MYOF: variants seen among roughly 807,000 people sequenced by gnomAD.
MYOF encodes fer-1-like 3, myoferlin.
In MYOF, 244 loss-of-function variants were observed where a neutral mutation model predicts 284.2. The observed-to-expected ratio is 0.86, with a 90% CI of 0.77 to 0.95. The LOEUF (loss-of-function observed/expected upper bound fraction) is 0.95, where lower values mean the gene tolerates loss of function less well. MYOF is among the 40% of genes least tolerant of loss of function. The pLI, the probability that MYOF is intolerant of heterozygous loss-of-function variation, is 0.00. For missense variants in MYOF, 2,496 were observed against 2,560.6 expected, an observed-to-expected ratio of 0.97 and a Z score of 0.54; for synonymous variants, 904 against 919.7, an observed-to-expected ratio of 0.98 and a Z score of 0.31.
intron 3 of MYOF, among the ~76,000 whole-genome samples, chr10:93,440,833 T>C (rs1275077782): frequency 6.6e-6 from 1 of 152,150 alleles, no homozygotes; most frequent in Non-Finnish European, 1.5e-5. Context: ...TCTGGGTATC[T>C]TTCTCCAGGG....
intron 26 of MYOF, among the ~76,000 whole-genome samples, chr10:93,365,750 T>A (rs1845295857): frequency 1.3e-5 from 2 of 152,188 alleles, no homozygotes; most frequent in African/African-American, 4.8e-5. Flanking sequence ...ATGGGCTATC[T>A]TCTCAAAGAT....
intron 5 of MYOF, among the ~76,000 whole-genome samples, chr10:93,417,931 G>A (rs574612227): frequency 6.6e-6 from 1 of 152,240 alleles, no homozygotes; most frequent in South Asian, 2.1e-4. Context: ...TAGAGTGGCT[G>A]AAATTACAGA....
chr10:93,354,875 A>C (rs1844724742), intron 31 of MYOF, among the ~76,000 whole-genome samples: 1 of 152,224 alleles, frequency 6.6e-6, no homozygotes, highest in Non-Finnish European at 1.5e-5. Flanking sequence ...CCTACCTTAC[A>C]GGGTTGTTAA....
rs2056702967 is a variant in MYOF, at chr10:93,454,991, A to T, written c.144+1891T>A. ...GAGACCCTGTCTTTTTTTAATTAAAAAAAAAAAAAAAAAAAAAAAAAAGGC... is the reference window on the plus strand; with the variant it reads ...GAGACCCTGTCTTTTTTTAATTAAATAAAAAAAAAAAAAAAAAAAAAAGGC... On this transcript the variant is annotated intron_variant, in intron 2 of 53. Coordinates refer to ENST00000359263, the MANE Select transcript of MYOF (RefSeq NM_013451.4). 8.9e-5 allele frequency among the ~76,000 whole-genome samples: 6 copies of T among 67,670 alleles called. No homozygotes were observed. The South Asian group carries it at 2.8e-3, about 31-fold the overall frequency. 44.4% of individuals were successfully genotyped at this position (67,670 alleles called of 152,430 possible).
At chr10:93,419,687 A>T (rs867139686) in intron 5 of MYOF, among the ~76,000 whole-genome samples, 4 of 152,222 alleles carry the variant, frequency 2.6e-5, no homozygotes, top group Admixed American at 6.5e-5. Context: ...CTCTGGAGGA[A>T]TGTATTACAT....
chr10:93,438,114 T>C (rs2056121527), intron 3 of MYOF, among the ~76,000 whole-genome samples: 1 of 152,160 alleles, frequency 6.6e-6, no homozygotes, highest in Non-Finnish European at 1.5e-5. Flanking sequence ...CGTGATGTCC[T>C]CAGCAAGAAT....
intron 1 of MYOF, among the ~76,000 whole-genome samples, chr10:93,465,538 C>CTTTTTTTTTTTTTTTT (rs71031511): frequency 2.4e-4 from 27 of 112,144 alleles, no homozygotes; most frequent in Non-Finnish European, 3.3e-4. Context: ...TTTTTCTTTT[C>CTTTTTTTTTTTTTTTT]TTTTTTTTTT....
intron 37 of MYOF, among the ~76,000 whole-genome samples, chr10:93,347,186 G>A (rs1017470541): frequency 1.3e-5 from 2 of 152,128 alleles, no homozygotes; most frequent in African/African-American, 4.8e-5. Context: ...TTGCTCATCC[G>A]TAAAATGTAG....
rs190346362 is a variant in MYOF, at chr10:93,398,307, A to G, written c.1222-851T>C. Among the ~76,000 whole-genome samples, 573 of 152,224 alleles carry G rather than the reference A, an allele frequency of 3.8e-3. 2 individuals are homozygous for G. The highest frequency in any genetic ancestry group is 5.4e-3 in the Non-Finnish European group (367 of 68,018). ...CCTCTGCTCAACTGTCACTTTCTCCAGGAGTCTCACCTGATAACCTGGATA... is the reference window on the plus strand; with the variant it reads ...CCTCTGCTCAACTGTCACTTTCTCCGGGAGTCTCACCTGATAACCTGGATA... On this transcript the variant is annotated intron_variant, in intron 13 of 53. Coordinates refer to ENST00000359263, the MANE Select transcript of MYOF (RefSeq NM_013451.4).
In MYOF at chr10:93,402,945, A is replaced by T; in HGVS notation, c.844-55T>A. ...AGTAGATTTTAAAATCAGTCTAGTC[A>T]CTTTAAAGAAGCCATCATTATATTT... On this transcript the variant is annotated intron_variant, in intron 9 of 53. Coordinates refer to ENST00000359263, the MANE Select transcript of MYOF (RefSeq NM_013451.4). 2.1e-6 allele frequency: 3 copies of T among 1,425,628 alleles called. No homozygotes were observed. In the South Asian group the frequency reaches 3.6e-5, roughly 17 times the overall value. The allele number at this position is 1,425,628 out of a possible 1,614,324, so 88.3% of individuals were successfully genotyped here. A position where few individuals can be genotyped will look rare whatever the true frequency, so the allele number is the denominator to read the frequency against.
rs1847332265 is a variant in MYOF at position 93,402,292 on chromosome 10, T to C, written c.930A>G (p.Ser310=). 1.2e-6 allele frequency: 2 copies of C among 1,614,136 alleles called. No homozygotes were observed. The highest frequency in any genetic ancestry group is 1.7e-6 in the Non-Finnish European group (2 of 1,179,994). Residue 310 remains serine, a synonymous_variant, in exon 11 of 54, where the codon TCA becomes TCG. Coordinates refer to ENST00000359263, the MANE Select transcript of MYOF (RefSeq NM_013451.4). The stretch of plus-strand genomic sequence containing the variant: ...TGACTTTCATATAACCTTTAGAACC[T>C]GAACTGGTATCTTCCGGGTCATTGA... ...LLLNDPEDTS[S]GSKGYMKVSM...
intron 6 of MYOF, 120 bp downstream of exon 6, chr10:93,409,451 ATC>A: frequency 8.3e-7 from 1 of 1,200,580 alleles, no homozygotes; most frequent in South Asian, 1.5e-5. Context: ...ATACACTGAC[ATC>A]TCTCTTTACC....
intron 5 of MYOF, among the ~76,000 whole-genome samples, chr10:93,413,131 G>A (rs701878): frequency 0.81 from 123,069 of 152,120 alleles, 52,271 homozygotes; most frequent in Non-Finnish European, 0.95. Flanking sequence ...AGAAAAAGTC[G>A]GGGTCAATCA....
chr10:93,398,098 C>A (rs788355), intron 13 of MYOF, among the ~76,000 whole-genome samples: 124,876 of 152,086 alleles, frequency 0.82, 53,922 homozygotes, highest in East Asian at 1. Context: ...CCAATCCTTC[C>A]CTGGGCTGAT....
At chr10:93,384,032 T>C (rs1846243030) in intron 19 of MYOF, among the ~76,000 whole-genome samples, 3 of 152,202 alleles carry the variant, frequency 2.0e-5, no homozygotes, top group African/African-American at 7.2e-5. Flanking sequence ...AGCAATAGTT[T>C]GGGCTTCTGG....
At chr10:93,349,071 G>A (rs749193422) in intron 36 of MYOF, among the ~76,000 whole-genome samples, 8 of 152,172 alleles carry the variant, frequency 5.3e-5, no homozygotes, top group Non-Finnish European at 1.2e-4. Context: ...GGTGGGGAAA[G>A]GAAGGTTCTA....
chr10:93,329,246 GAC>G (rs1320591136), intron 44 of MYOF, among the ~76,000 whole-genome samples: 4 of 152,200 alleles, frequency 2.6e-5, no homozygotes, highest in Admixed American at 6.5e-5. Flanking sequence ...ACTGTGGAAA[GAC>G]ACTGTATACC....
chr10:93,397,286 G>A lies in MYOF; in HGVS notation c.1295C>T (p.Pro432Leu). Residue 432 changes from proline to leucine, a missense_variant, in exon 15 of 54, where the codon CCT (proline) becomes CTT (leucine). Coordinates refer to ENST00000359263, the MANE Select transcript of MYOF (RefSeq NM_013451.4). ...NQVVNLQIKF[P>L]SVCEKIKLTI... ...TAGTTTTATTTTTTCACACACTGAAGGAAACTAAAAAAATGAGACAGAAAA... is the reference window on the plus strand; with the variant it reads ...TAGTTTTATTTTTTCACACACTGAAAGAAACTAAAAAAATGAGACAGAAAA... The A allele has an allele frequency of 6.2e-7, 1 of 1,601,262 alleles. No homozygotes were observed. The highest frequency in any genetic ancestry group is 1.7e-5 in the Admixed American group (1 of 59,592).
intron 5 of MYOF, 22 bp from the exon 6 acceptor site, chr10:93,409,761 CA>C (rs1435148283): frequency 6.2e-7 from 1 of 1,613,660 alleles, no homozygotes; most frequent in Non-Finnish European, 8.5e-7. Flanking sequence ...GAAAGAAACC[CA>C]GTGAGGGATA....
Sources: gnomAD v4.1 joint callset for allele counts (sites outside exome capture counted in the v4.1 genomes callset) on GRCh38, gnomAD v4.1.1 for gene constraint, MANE v1.5 for transcripts, NCBI Gene and HGNC (gene_info 2026-07-23, HGNC 2026-07-21) for gene names.